Variants in DOK3 observed in about 807,000 individuals in gnomAD.
DOK3 encodes docking protein 3, also known as Dok-like protein.
In DOK3, 23 loss-of-function variants were observed where a neutral mutation model predicts 26.2. That is an observed-to-expected ratio of 0.88 (90% CI 0.63 to 1.24). The LOEUF (loss-of-function observed/expected upper bound fraction) is 1.24, where lower values mean the gene tolerates loss of function less well. Ranked by LOEUF, DOK3 falls within the 50% of genes most tolerant of loss-of-function variation. The pLI is 0.00. For missense variants in DOK3, 619 were observed against 610.6 expected, an observed-to-expected ratio of 1.01 and a Z score of -0.15; for synonymous variants, 268 against 268.2, an observed-to-expected ratio of 1.00 and a Z score of 0.01.
chr5:177,505,142 C>T (rs1422449836), intron 3 of DOK3, 32 bp from the exon 4 acceptor site: 19 of 1,560,814 alleles, frequency 1.2e-5, no homozygotes, highest in South Asian at 3.6e-5. Context: ...AAGGTGAGAG[C>T]ACCGCACTCC....
At chr5:177,510,129 T>A (rs368362398), upstream of DOK3, 1 of 582,784 alleles carries the variant, frequency 1.7e-6, no homozygotes, top group Non-Finnish European at 3.1e-6. Context: ...CATGCAGCAC[T>A]CTCCACAACC....
intron 3 of DOK3, among the ~76,000 whole-genome samples, chr5:177,506,370 G>A (rs190130362): frequency 8.5e-5 from 12 of 140,844 alleles, no homozygotes; most frequent in African/African-American, 3.0e-4. Flanking sequence ...TTGCTCTGTC[G>A]GCCAGGCTGG....
chr5:177,511,027 C>G (rs1760884205), upstream of DOK3: 1 of 152,342 alleles, frequency 6.6e-6, no homozygotes, highest in Non-Finnish European at 1.5e-5. Context: ...GCTTCCCAGG[C>G]AGCCATCTCC....
upstream of DOK3, chr5:177,509,838 G>A: frequency 6.2e-7 from 1 of 1,611,062 alleles, no homozygotes; most frequent in Non-Finnish European, 8.5e-7. Context: ...ATCGCAGTCT[G>A]GCTCCCCGAG....
At chr5:177,505,184 A>G in intron 3 of DOK3, 74 bp from the exon 4 acceptor site, 1 of 1,375,816 alleles carries the variant, frequency 7.3e-7, no homozygotes, top group Non-Finnish European at 9.9e-7. Flanking sequence ...AGTATCCCAG[A>G]ACTCCACAAG....
At chr5:177,505,677 T>A (rs924854049) in intron 3 of DOK3, among the ~76,000 whole-genome samples, 14 of 152,214 alleles carry the variant, frequency 9.2e-5, no homozygotes, top group African/African-American at 3.4e-4. Context: ...AGTCTTGCTC[T>A]GTCACCCATA....
intron 2 of DOK3, 56 bp downstream of exon 2, chr5:177,509,418 TG>T: frequency 1.5e-5 from 23 of 1,562,700 alleles, no homozygotes; most frequent in Non-Finnish European, 1.8e-5. Flanking sequence ...GGGCAGAGGC[TG>T]CATTCTCCAC....
Position 177,504,735 on chromosome 5 carries a change from C to T in DOK3, c.645+8G>A, listed in dbSNP as rs1325086821. ...AGCCCCTCACCCTTTCCCACCCCTG[C>T]ACCTCACCTTGTCGGAGCCGAACTT... On this transcript the variant is annotated splice_region_variant and intron_variant, in intron 5 of 5. Transcript: ENST00000510898. 1 of 1,613,882 alleles carries T rather than the reference C, an allele frequency of 6.2e-7. No individual in the cohort carries two copies. The highest frequency in any genetic ancestry group is 1.3e-5 in the African/African-American group (1 of 74,934).
Position 177,508,372 on chromosome 5 carries a change from G to A in DOK3, c.237C>T (p.Ser79=), listed in dbSNP as rs144620098. The part of the protein sequence containing the change: ...RRVIRLADCV[S]VLPADGESCP... The stretch of plus-strand genomic sequence containing the variant: ...AGCTCTCGCCGTCAGCCGGCAGCAC[G>A]GACACACAGTCAGCCAGGCGGATGA... Residue 79 remains serine (S), a synonymous_variant, in exon 3 of 6, where the codon TCC becomes TCT. Coordinates refer to ENST00000510898, the MANE Select transcript of DOK3 (RefSeq NM_001308236.3). 17 of 1,602,710 alleles carry A rather than the reference G, an allele frequency of 1.1e-5. No homozygotes were observed. In the African/African-American group the frequency reaches 1.1e-4, roughly 10 times the overall value.
Position 177,503,481 on chromosome 5 carries a change from C to T in DOK3, c.*502G>A. On this transcript the variant is annotated 3_prime_UTR_variant, in exon 6 of 6. Coordinates refer to ENST00000510898, the MANE Select transcript of DOK3 (RefSeq NM_001308236.3). ...TTCCACCTGCACCCCGCCCCCACTG[C>T]CTCCTCCCAGCTCGGGCCTCCGGGT... is the stretch of plus-strand genomic sequence containing the variant. 2 of 1,455,158 alleles carry T rather than the reference C, an allele frequency of 1.4e-6. No homozygotes were observed. The highest frequency in any genetic ancestry group is 1.8e-6 in the Non-Finnish European group (2 of 1,100,996). The allele number at this position is 1,455,158 out of a possible 1,614,324, so 90.1% of individuals were successfully genotyped here. A position where few individuals can be genotyped will look rare whatever the true frequency, so the allele number is the denominator to read the frequency against.
intron 3 of DOK3, among the ~76,000 whole-genome samples, chr5:177,506,129 T>G (rs1192488855): frequency 6.6e-6 from 1 of 152,138 alleles, no homozygotes; most frequent in Non-Finnish European, 1.5e-5. Context: ...ATTTTTTGTA[T>G]TTTTAGTAGA....
rs895215350 is a variant in DOK3, at chr5:177,504,595, G to A, written c.711C>T (p.Thr237=). ...CCCTGCACAGGTCAGGGGCACAGGG[G>A]GTGCTGAAGGCAAAGAGGCCCTCAC... ...HSGEGLFAFS[T]PCAPDLCRAV... is the part of the protein sequence containing the mutation. The change falls in exon 6 of 6, where the codon ACC becomes ACT. Residue 237 remains threonine, a synonymous_variant. Transcript: ENST00000510898. 4.3e-6 allele frequency: 7 copies of A among 1,609,266 alleles called. No individual in the cohort carries two copies. The highest frequency in any genetic ancestry group is 1.7e-4 in the Middle Eastern group (1 of 5,988).
At position 177,503,021 on chromosome 5, in the gene DOK3, G is replaced by A; in HGVS notation, c.*962C>T. Reference sequence around the variant, plus strand: ...GCTTGGACAGGAGAGAGCAAAAATTGTGTGTCCGTCATGAAAATGAGGTTC... The same window carrying A: ...GCTTGGACAGGAGAGAGCAAAAATTATGTGTCCGTCATGAAAATGAGGTTC... On this transcript the variant is annotated 3_prime_UTR_variant, in exon 6 of 6. Coordinates refer to ENST00000510898, the MANE Select transcript of DOK3 (RefSeq NM_001308236.3). 1.3e-6 allele frequency: 2 copies of A among 1,497,916 alleles called. No individual in the cohort carries two copies. The highest frequency in any genetic ancestry group is 1.8e-6 in the Non-Finnish European group (2 of 1,114,976). The allele number at this position is 1,497,916 out of a possible 1,614,324, so 92.8% of individuals were successfully genotyped here. A position where few individuals can be genotyped will look rare whatever the true frequency, so the allele number is the denominator to read the frequency against.
In DOK3 at chr5:177,503,546, CAAGT is replaced by C. The variant is rs984978800; in HGVS notation, c.*433_*436del. On this transcript the variant is annotated 3_prime_UTR_variant, in exon 6 of 6. Coordinates refer to ENST00000510898, the MANE Select transcript of DOK3 (RefSeq NM_001308236.3). Reference sequence around the variant, plus strand: ...TCATGTTGCTCCTTCCTGAGTCTGACAAGTAAGCCTCACAGCTCCCTCCGCCTGC... The same window carrying C: ...TCATGTTGCTCCTTCCTGAGTCTGACAAGCCTCACAGCTCCCTCCGCCTGC... 7.9e-6 allele frequency: 11 copies of C among 1,401,106 alleles called. No homozygotes were observed. Among genetic ancestry groups the C allele is most frequent in the African/African-American group, 7.2e-5 (5 of 68,980 alleles). The allele number at this position is 1,401,106 out of a possible 1,614,324, so 86.8% of individuals were successfully genotyped here. A position where few individuals can be genotyped will look rare whatever the true frequency, so the allele number is the denominator to read the frequency against.
At chr5:177,508,091 G>A (rs1055340168) in intron 3 of DOK3, 146 bp downstream of exon 3, 10 of 1,051,602 alleles carry the variant, frequency 9.5e-6, no homozygotes, top group East Asian at 8.6e-5. Flanking sequence ...TGGCACGCAC[G>A]GCCCTCTGAG....
At chr5:177,507,042 A>G (rs1760284101) in intron 3 of DOK3, among the ~76,000 whole-genome samples, 1 of 152,134 alleles carries the variant, frequency 6.6e-6, no homozygotes, top group African/African-American at 2.4e-5. Flanking sequence ...GTCTAGTTCC[A>G]GAACTTTTCC....
chr5:177,508,213 C>T lies in DOK3; in HGVS notation c.372+24G>A, dbSNP rs766116722. 11 of 1,306,750 alleles carry T rather than the reference C, an allele frequency of 8.4e-6. 1 individual carries two copies. Among genetic ancestry groups the T allele is most frequent in the South Asian group, 7.4e-5 (5 of 67,728 alleles). The allele number at this position is 1,306,750 out of a possible 1,614,324, so 80.9% of individuals were successfully genotyped here. ...TCGGGGGCAGGTGCCCCAGCCCAATCGCCCCCCTGCTCGCCGCACTCACCG... is the reference window on the plus strand; with the variant it reads ...TCGGGGGCAGGTGCCCCAGCCCAATTGCCCCCCTGCTCGCCGCACTCACCG... On this transcript the variant is annotated intron_variant, in intron 3 of 5. Transcript: ENST00000510898.
Position 177,503,588 on chromosome 5 carries a change from C to A in DOK3, c.*395G>T. The A allele has an allele frequency of 7.7e-7, 1 of 1,303,014 alleles. No individual in the cohort carries two copies. Among genetic ancestry groups the A allele is most frequent in the African/African-American group, 1.5e-5 (1 of 67,074 alleles). 80.7% of individuals were successfully genotyped at this position (1,303,014 alleles called of 1,614,324 possible). ...TCCCTCCGCCTGCCTCTTCGTGTCA[C>A]TCGGCCGTGCAGAGCAACATGGAGT... On this transcript the variant is annotated 3_prime_UTR_variant, in exon 6 of 6. Transcript: ENST00000510898.
At chr5:177,508,885 C>A (rs1400628496) in intron 2 of DOK3, 2 of 295,576 alleles carry the variant, frequency 6.8e-6, no homozygotes, top group African/African-American at 2.2e-5. Flanking sequence ...TCCCTCTCAC[C>A]CCCAAAAAGG....
Sources: allele counts gnomAD v4.1 joint callset (sites outside exome capture counted in the v4.1 genomes callset), GRCh38; gene constraint gnomAD v4.1.1; transcripts MANE v1.5; gene names NCBI Gene and HGNC (gene_info 2026-07-23, HGNC 2026-07-21).